The following RMND5B variants were observed in gnomAD, a reference collection of about 807,000 sequenced individuals.
RMND5B encodes E3 ubiquitin-protein transferase RMND5B.
In RMND5B, 42 loss-of-function variants were observed where a neutral mutation model predicts 50.4. The ratio of observed to expected loss-of-function variants is 0.83; its 90% CI spans 0.65 to 1.08. RMND5B has a LOEUF of 1.08. RMND5B is among the 50% of genes least tolerant of loss of function. The pLI is 0.00. For missense variants in RMND5B, 463 were observed against 508.5 expected (o/e 0.91, Z 0.86); for synonymous variants, 220 against 210.0 (o/e 1.05, Z -0.41).
At position 178,148,976 on chromosome 5, in the gene RMND5B, C is replaced by CT. The variant is rs1388799709; in HGVS notation, c.*945dup. The stretch of plus-strand genomic sequence containing the variant: ...GTATACTGAGTCCTGTGCAGGGCCT[C>CT]TGACAGCAGGAAGGGGCCCCAAGTC... On this transcript the variant is annotated 3_prime_UTR_variant, in exon 11 of 11. Transcript: ENST00000313386. The CT allele has an allele frequency of 5.9e-5, 9 of 152,400 alleles. No individual in the cohort carries two copies. Among genetic ancestry groups the CT allele is most frequent in the Admixed American group, 5.9e-4 (9 of 15,300 alleles). The allele number at this position is 152,400 out of a possible 1,614,324, so 9.4% of individuals were successfully genotyped here. A position where few individuals can be genotyped will look rare whatever the true frequency, so the allele number is the denominator to read the frequency against.
chr5:178,131,841 T>C (rs1050353790), intron 2 of RMND5B, among the ~76,000 whole-genome samples: 1 of 152,064 alleles, frequency 6.6e-6, no homozygotes, highest in African/African-American at 2.4e-5. Flanking sequence ...GGCTAAAGTA[T>C]GGTAAGAAAG....
chr5:178,147,450 T>C lies in RMND5B; in HGVS notation c.861-83T>C. On this transcript the variant is annotated intron_variant, in intron 8 of 10. Transcript: ENST00000313386. ...ACCATTTTAGAGCCCTGTCTCAAGG[T>C]CCATGCTGAAGCATGGCGCGCTGGC... The C allele has an allele frequency of 6.9e-6, 7 of 1,016,826 alleles. No homozygotes were observed. In the South Asian group the frequency reaches 1.0e-4, roughly 15 times the overall value. 63.0% of individuals were successfully genotyped at this position (1,016,826 alleles called of 1,614,324 possible).
At chr5:178,143,808 C>A in intron 6 of RMND5B, 81 bp downstream of exon 6, 1 of 1,455,648 alleles carries the variant, frequency 6.9e-7, no homozygotes, top group Non-Finnish European at 9.6e-7. Flanking sequence ...CTTCATTTCA[C>A]CCAGATGTAC....
intron 2 of RMND5B, chr5:178,135,303 C>A: frequency 4.8e-6 from 1 of 210,154 alleles, no homozygotes; most frequent in Non-Finnish European, 1.0e-5. Context: ...GCGTGTGCCA[C>A]CATGCCCAGG....
At chr5:178,140,353 T>TA (rs984651950) in intron 3 of RMND5B, among the ~76,000 whole-genome samples, 18 of 151,538 alleles carry the variant, frequency 1.2e-4, no homozygotes, top group African/African-American at 4.1e-4. Flanking sequence ...TTTTTTTTTT[T>TA]TTATTGTAGA....
chr5:178,145,028 A>G (rs1755915871), intron 7 of RMND5B, among the ~76,000 whole-genome samples: 1 of 152,184 alleles, frequency 6.6e-6, no homozygotes, highest in Admixed American at 6.5e-5. Flanking sequence ...CTCAAAATAA[A>G]TATGAAAACC....
Position 178,138,527 on chromosome 5 carries a change from G to A in RMND5B, c.139+269G>A. The A allele has an allele frequency of 1.8e-6, 1 of 541,734 alleles. No individual in the cohort carries two copies. The highest frequency in any genetic ancestry group is 2.8e-5 in the South Asian group (1 of 35,460). 33.6% of individuals were successfully genotyped at this position (541,734 alleles called of 1,614,324 possible). ...TTTTTTTCATTTTATAATTGTGTGTGTGTGTGTGTGTGTGTGTGTGTAGAA... is the reference window on the plus strand; with the variant it reads ...TTTTTTTCATTTTATAATTGTGTGTATGTGTGTGTGTGTGTGTGTGTAGAA... On this transcript the variant is annotated intron_variant, in intron 3 of 10. Transcript: ENST00000313386. The surrounding 1 kb of genome is among the most constrained non-coding windows in gnomAD (Gnocchi z 5.1).
intron 3 of RMND5B, among the ~76,000 whole-genome samples, chr5:178,139,710 ATTTTT>A (rs113719288): frequency 7.7e-6 from 1 of 129,902 alleles, no homozygotes; most frequent in Non-Finnish European, 1.6e-5. Context: ...TGCCTGGCTA[ATTTTT>A]TTTTTTTTTT....
At position 178,137,111 on chromosome 5, in the gene RMND5B, G is replaced by A. The variant is rs1413391234; in HGVS notation, c.-12-997G>A. Among the ~76,000 whole-genome samples the A allele has an allele frequency of 6.6e-6, 1 of 152,120 alleles. No homozygotes were observed. The highest frequency in any genetic ancestry group is 1.5e-5 in the Non-Finnish European group (1 of 68,022). ...TGATGGGCCAGCCTCTCAAGTAGTCGAGGAGGTAAGGGTGATGGAGAGCAG... is the reference window on the plus strand; with the variant it reads ...TGATGGGCCAGCCTCTCAAGTAGTCAAGGAGGTAAGGGTGATGGAGAGCAG... On this transcript the variant is annotated intron_variant, in intron 2 of 10. Coordinates refer to ENST00000313386, the MANE Select transcript of RMND5B (RefSeq NM_022762.5). The surrounding 1 kb of genome is among the most constrained non-coding windows in gnomAD (Gnocchi z 4.4).
In RMND5B at chr5:178,142,791, C is replaced by T. The variant is rs747471689; in HGVS notation, c.286-61C>T. ...ACCCTGAAGCTGGGATGTACAAGGACTCGAAGGAGAGCCAGCAAGAGTGCC... is the reference window on the plus strand; with the variant it reads ...ACCCTGAAGCTGGGATGTACAAGGATTCGAAGGAGAGCCAGCAAGAGTGCC... On this transcript the variant is annotated intron_variant, in intron 4 of 10. Transcript: ENST00000313386. 43 of 1,614,146 alleles carry T rather than the reference C, an allele frequency of 2.7e-5. 1 individual carries two copies. In the Admixed American group the frequency reaches 7.0e-4, roughly 26 times the overall value.
rs554358239 is a variant in RMND5B at position 178,149,704 on chromosome 5, C to T, written c.*1672C>T. On this transcript the variant is annotated 3_prime_UTR_variant, in exon 11 of 11. Coordinates refer to ENST00000313386, the MANE Select transcript of RMND5B (RefSeq NM_022762.5). ...CCAGCGGCAGGTGCCCAGGTGCTAC[C>T]GGAGCCCCTCATAGGGGTAGGGGCA... 33 of 1,613,146 alleles carry T rather than the reference C, an allele frequency of 2.0e-5. No individual in the cohort carries two copies. The highest frequency in any genetic ancestry group is 9.3e-5 in the African/African-American group (7 of 75,014).
chr5:178,138,008 A>T lies in RMND5B; in HGVS notation c.-12-100A>T. On this transcript the variant is annotated intron_variant, in intron 2 of 10. Coordinates refer to ENST00000313386, the MANE Select transcript of RMND5B (RefSeq NM_022762.5). This position sits in a 1 kb window ranked among gnomAD's most constrained non-coding sequence, Gnocchi z 5.1. ...ACAAAACATATAACATTGATACATG[A>T]TGTGGGAATGGTGAGAGGGATCTGA... is the stretch of plus-strand genomic sequence containing the variant. The T allele has an allele frequency of 9.8e-7, 1 of 1,019,662 alleles. No homozygotes were observed. The highest frequency in any genetic ancestry group is 1.4e-6 in the Non-Finnish European group (1 of 701,390). The allele number at this position is 1,019,662 out of a possible 1,614,324, so 63.2% of individuals were successfully genotyped here. A position where few individuals can be genotyped will look rare whatever the true frequency, so the allele number is the denominator to read the frequency against.
intron 2 of RMND5B, among the ~76,000 whole-genome samples, chr5:178,132,210 G>A (rs1310646179): frequency 1.3e-5 from 2 of 152,112 alleles, no homozygotes; most frequent in African/African-American, 2.4e-5. Flanking sequence ...GGAGGCCAAG[G>A]CGGGAGGATC....
intron 7 of RMND5B, among the ~76,000 whole-genome samples, chr5:178,145,575 T>C (rs555500239): frequency 6.6e-6 from 1 of 152,020 alleles, no homozygotes; most frequent in African/African-American, 2.4e-5. Context: ...GCTAACTTTA[T>C]ATATTTTTTA....
intron 7 of RMND5B, among the ~76,000 whole-genome samples, chr5:178,145,492 CAAA>C (rs551952895): frequency 1.0e-4 from 8 of 78,232 alleles, no homozygotes; most frequent in Admixed American, 1.5e-4. Flanking sequence ...GACTCTGTCT[CAAA>C]AAAAAAAAAA....
Position 178,147,949 on chromosome 5 carries a change from C to A in RMND5B, c.1119-20C>A. On this transcript the variant is annotated intron_variant, in intron 10 of 10. Coordinates refer to ENST00000313386, the MANE Select transcript of RMND5B (RefSeq NM_022762.5). The stretch of plus-strand genomic sequence containing the variant: ...CTACTGGCCACCCCTGAGACGTTCT[C>A]GGTTCTCCTCCCTTTGCAGGCTGAA... 1.2e-6 allele frequency: 2 copies of A among 1,614,190 alleles called. No homozygotes were observed. Among genetic ancestry groups the A allele is most frequent in the Non-Finnish European group, 1.7e-6 (2 of 1,180,020 alleles).
chr5:178,141,665 C>T (rs1758951477), intron 3 of RMND5B: 1 of 152,064 alleles, frequency 6.6e-6, no homozygotes, highest in South Asian at 2.1e-4. Context: ...AGGTATTAGC[C>T]AGTCTCATAA....
chr5:178,145,795 A>G (rs1201614673), intron 7 of RMND5B, among the ~76,000 whole-genome samples: 1 of 152,222 alleles, frequency 6.6e-6, no homozygotes, highest in Non-Finnish European at 1.5e-5. Flanking sequence ...GTGTGGAGAC[A>G]CCAGTGCCAA....
intron 2 of RMND5B, chr5:178,135,244 C>G (rs763612940): frequency 1.6e-4 from 39 of 238,408 alleles, no homozygotes; most frequent in Non-Finnish European, 3.1e-4. Flanking sequence ...CTCCCGGGCT[C>G]AAGCAGTCCT....
Sources: gnomAD v4.1 joint callset for allele counts (sites outside exome capture counted in the v4.1 genomes callset) on GRCh38, gnomAD v4.1.1 for gene constraint, Gnocchi (gnomAD v3.1) non-coding constraint, MANE v1.5 for transcripts, NCBI Gene and HGNC (gene_info 2026-07-23, HGNC 2026-07-21) for gene names.